PDZD2: variants seen among roughly 807,000 people sequenced by gnomAD.
The protein encoded by PDZD2 is PDZ domain containing 2.
In PDZD2, 90 loss-of-function variants were observed where a neutral mutation model predicts 220.7. That is an observed-to-expected ratio of 0.41 (90% CI 0.34 to 0.49). The LOEUF is 0.49. Ranked by LOEUF, PDZD2 falls within the 20% of genes least tolerant of loss-of-function variation. PDZD2 has a pLI of 0.28. For missense variants in PDZD2, 3,174 were observed against 3,608.5 expected, an observed-to-expected ratio of 0.88 and a Z score of 3.08; for synonymous variants, 1,375 against 1,450.5, an observed-to-expected ratio of 0.95 and a Z score of 1.18.
intron 2 of PDZD2, among the ~76,000 whole-genome samples, chr5:31,956,954 G>T (rs368515840): frequency 6.6e-6 from 1 of 152,014 alleles, no homozygotes; most frequent in South Asian, 2.1e-4. Flanking sequence ...GCAGTGACAC[G>T]ATCATACCTC....
chr5:31,907,601 CATCT>C (rs1345884327), intron 2 of PDZD2, among the ~76,000 whole-genome samples: 2 of 152,170 alleles, frequency 1.3e-5, no homozygotes, highest in African/African-American at 4.8e-5. Flanking sequence ...TGAATTCATC[CATCT>C]ATTTCCCATG....
intron 7 of PDZD2, among the ~76,000 whole-genome samples, chr5:32,047,185 T>G (rs1370492435): frequency 6.6e-6 from 1 of 152,130 alleles, no homozygotes; most frequent in Non-Finnish European, 1.5e-5. Context: ...AATGAATGTA[T>G]GAAAAGAATC....
At chr5:31,658,222 C>T (rs1745626226) in intron 1 of PDZD2, among the ~76,000 whole-genome samples, 1 of 152,138 alleles carries the variant, frequency 6.6e-6, no homozygotes, top group African/African-American at 2.4e-5. Context: ...AACTCTTCCC[C>T]TCCCCTTCAA....
At chr5:31,740,562 G>C (rs1462349782) in intron 1 of PDZD2, among the ~76,000 whole-genome samples, 1 of 106,842 alleles carries the variant, frequency 9.4e-6, no homozygotes, top group African/African-American at 3.1e-5. Context: ...AAAAAAATCT[G>C]CTGTTGTCTG....
At position 32,089,253 on chromosome 5, in the gene PDZD2, C is replaced by A. The variant is rs754484921; in HGVS notation, c.5805C>A (p.Leu1935=). Reference sequence around the variant, plus strand: ...TTTCTAAGGCAGTGTCACAGCGGCTCCATGTAGCCGACCACGAGGACCCTG... The same window carrying A: ...TTTCTAAGGCAGTGTCACAGCGGCTACATGTAGCCGACCACGAGGACCCTG... ...KTLSKAVSQR[L]HVADHEDPDR... is the part of the protein sequence containing the mutation. Residue 1935 remains leucine, a synonymous_variant, in exon 20 of 25, where the codon CTC becomes CTA. Transcript: ENST00000438447. 5 of 1,614,032 alleles carry A rather than the reference C, an allele frequency of 3.1e-6. No individual in the cohort carries two copies. The highest frequency in any genetic ancestry group is 3.4e-6 in the Non-Finnish European group (4 of 1,180,024).
rs1742993595 is a variant in PDZD2, at chr5:32,090,402, C to A, written c.6954C>A (p.His2318Gln). The change falls in exon 20 of 25, where the codon CAC (histidine) becomes CAA (glutamine). Residue 2318 changes from histidine (H) to glutamine (Q), a missense_variant. By Grantham distance (24) the His-to-Gln change is conservative. Around this residue, in one of 4 missense-constraint regions of PDZD2, gnomAD observed 631 missense variants for 789.9 expected, o/e 0.80. Transcript: ENST00000438447. The surrounding 1 kb of genome is among the most constrained non-coding windows in gnomAD (Gnocchi z 4.3). ...ACAAAATCAAAGTCACCAGACGACA[C>A]TACTGCTATGAGCAGAACTGGCCCC... is the stretch of plus-strand genomic sequence containing the variant. The part of the protein sequence containing the change: ...VTDKIKVTRR[H>Q]YCYEQNWPHE... The A allele has an allele frequency of 6.2e-7, 1 of 1,614,082 alleles. No individual in the cohort carries two copies. Among genetic ancestry groups the A allele is most frequent in the Non-Finnish European group, 8.5e-7 (1 of 1,180,022 alleles).
At chr5:31,768,469 C>T (rs140012607) in intron 1 of PDZD2, among the ~76,000 whole-genome samples, 3,703 of 152,050 alleles carry the variant, frequency 0.024, 141 homozygotes, top group African/African-American at 0.083. Context: ...AGTGAAACCC[C>T]GTCTCTACTA....
intron 2 of PDZD2, among the ~76,000 whole-genome samples, chr5:31,860,907 G>A (rs934860660): frequency 2.0e-5 from 3 of 152,164 alleles, no homozygotes; most frequent in African/African-American, 7.2e-5. Flanking sequence ...CCATTGCGTG[G>A]TGGTGTGGTC....
At chr5:31,887,258 TACAC>T (rs949181585) in intron 2 of PDZD2, among the ~76,000 whole-genome samples, 27 of 152,196 alleles carry the variant, frequency 1.8e-4, no homozygotes, top group Middle Eastern at 3.4e-3. Flanking sequence ...CAAACACACA[TACAC>T]ACACAAAATC....
chr5:31,780,904 C>T (rs1448702445), intron 1 of PDZD2, among the ~76,000 whole-genome samples: 1 of 152,202 alleles, frequency 6.6e-6, no homozygotes, highest in Non-Finnish European at 1.5e-5. Flanking sequence ...GAGAGACTAT[C>T]ACATCTCAGC....
At chr5:32,072,068 A>G in intron 16 of PDZD2, 93 bp from the exon 17 acceptor site, 1 of 877,276 alleles carries the variant, frequency 1.1e-6, no homozygotes, top group South Asian at 1.7e-5. Flanking sequence ...GTTGATTAGA[A>G]CGAAGTGTTC....
Position 32,102,202 on chromosome 5 carries a change from G to A in PDZD2, c.8353+963G>A, listed in dbSNP as rs532515653. Among the ~76,000 whole-genome samples the A allele has an allele frequency of 4.8e-4, 73 of 152,156 alleles. No individual in the cohort carries two copies. The South Asian group carries it at 0.01, about 21-fold the overall frequency. ...AAATGAAGCCTCTGTGGTAAGCAGCGCTGCATCCTTGGGGCCCAGAGGAAG... is the reference window on the plus strand; with the variant it reads ...AAATGAAGCCTCTGTGGTAAGCAGCACTGCATCCTTGGGGCCCAGAGGAAG... On this transcript the variant is annotated intron_variant, in intron 24 of 24. Transcript: ENST00000438447.
intron 5 of PDZD2, among the ~76,000 whole-genome samples, chr5:32,006,288 A>C (rs1412669955): frequency 6.6e-6 from 1 of 151,566 alleles, no homozygotes; most frequent in East Asian, 1.9e-4. Context: ...GTTATTACAT[A>C]TTACTTTAAC....
chr5:32,107,625 C>G (rs1311195806), intron 24 of PDZD2, among the ~76,000 whole-genome samples: 1 of 152,206 alleles, frequency 6.6e-6, no homozygotes, highest in East Asian at 1.9e-4. Context: ...CTGTTGATTT[C>G]CTTACCCCAA....
intron 1 of PDZD2, among the ~76,000 whole-genome samples, chr5:31,644,014 G>T (rs541314157): frequency 6.6e-6 from 1 of 151,886 alleles, no homozygotes; most frequent in Admixed American, 6.6e-5. Context: ...AAAATTTTTT[G>T]TAGAGATGGG....
chr5:31,847,518 A>C (rs1757652959), intron 2 of PDZD2: 1 of 664,644 alleles, frequency 1.5e-6, no homozygotes, highest in East Asian at 3.2e-5. Flanking sequence ...ACACTGCCAA[A>C]ATTTGGTGTG....
intron 1 of PDZD2, among the ~76,000 whole-genome samples, chr5:31,765,697 T>G (rs1751958814): frequency 6.6e-6 from 1 of 152,120 alleles, no homozygotes; most frequent in Non-Finnish European, 1.5e-5. Flanking sequence ...TCTGTGTTGG[T>G]CAGTTTGCTG....
intron 9 of PDZD2, 129 bp from the exon 10 acceptor site, chr5:32,053,640 G>C: frequency 3.1e-6 from 2 of 653,070 alleles, no homozygotes. Flanking sequence ...CTCCAGGCCT[G>C]GTTAGGGAGG....
intron 2 of PDZD2, among the ~76,000 whole-genome samples, chr5:31,888,722 A>G (rs1413731491): frequency 6.6e-6 from 1 of 152,178 alleles, no homozygotes; most frequent in Non-Finnish European, 1.5e-5. Context: ...AGTTTTTCTT[A>G]ACACTAAATC....
Sources: gnomAD v4.1 joint callset for allele counts (sites outside exome capture counted in the v4.1 genomes callset) on GRCh38, gnomAD v4.1.1 for gene constraint, gnomAD v4.1.1 regional missense constraint, Gnocchi (gnomAD v3.1) non-coding constraint, MANE v1.5 for transcripts, NCBI Gene and HGNC (gene_info 2026-07-23, HGNC 2026-07-21) for gene names.